Variants in MCTP1 observed in about 807,000 individuals in gnomAD.
The protein encoded by MCTP1 is multiple C2 and transmembrane domain-containing protein 1.
A neutral mutation model predicts 120.6 loss-of-function variants in MCTP1; 69 were observed. That is an observed-to-expected ratio of 0.57 (90% CI 0.47 to 0.70). The LOEUF is 0.70. MCTP1 is among the 30% of genes least tolerant of loss of function. The pLI is 0.00. For synonymous variants in MCTP1, 529 were observed against 493.1 expected (o/e 1.07, Z -0.96); for missense variants, 1,203 against 1,248.8 (o/e 0.96, Z 0.55).
intron 1 of MCTP1, among the ~76,000 whole-genome samples, chr5:95,036,911 T>TTCACTCAC (rs141556044): frequency 0.062 from 9,471 of 151,550 alleles, 402 homozygotes; most frequent in African/African-American, 0.067. Context: ...ATTTCATTCT[T>TTCACTCAC]TCACTCACTC....
chr5:95,271,522 T>G (rs914000724), intron 1 of MCTP1, among the ~76,000 whole-genome samples: 1 of 152,170 alleles, frequency 6.6e-6, no homozygotes, highest in Non-Finnish European at 1.5e-5. Flanking sequence ...CCCTATTTTT[T>G]ACCTGTAAGG....
At chr5:94,967,102 A>T (rs1825800179) in intron 2 of MCTP1, among the ~76,000 whole-genome samples, 4 of 152,190 alleles carry the variant, frequency 2.6e-5, no homozygotes, top group Non-Finnish European at 5.9e-5. Context: ...AATTTAGCAC[A>T]GAGGCCTATA....
chr5:94,806,524 G>A (rs1469679692), intron 17 of MCTP1, among the ~76,000 whole-genome samples: 1 of 152,154 alleles, frequency 6.6e-6, no homozygotes, highest in Non-Finnish European at 1.5e-5. Flanking sequence ...AGGCAGGACT[G>A]GGCCATTCAC....
intron 1 of MCTP1, among the ~76,000 whole-genome samples, chr5:95,142,325 T>C (rs1025881817): frequency 1.3e-5 from 2 of 152,202 alleles, no homozygotes; most frequent in Non-Finnish European, 2.9e-5. Context: ...TTTACTAATT[T>C]GAGCTGTCTG....
At chr5:94,842,768 AT>A (rs1791427024) in intron 17 of MCTP1, among the ~76,000 whole-genome samples, 2 of 152,344 alleles carry the variant, frequency 1.3e-5, no homozygotes, top group South Asian at 4.1e-4. Flanking sequence ...CCTGCTTTTT[AT>A]TACTGAAACA....
chr5:94,877,052 AAGG>A (rs979592097), intron 12 of MCTP1, among the ~76,000 whole-genome samples: 2 of 151,954 alleles, frequency 1.3e-5, no homozygotes, highest in Non-Finnish European at 2.9e-5. Context: ...CAACAGGAGC[AAGG>A]AGAAGGAGGC....
intron 5 of MCTP1, among the ~76,000 whole-genome samples, chr5:94,937,457 G>A (rs1025440633): frequency 6.6e-6 from 1 of 151,954 alleles, no homozygotes; most frequent in African/African-American, 2.4e-5. Flanking sequence ...AGAAGATGAA[G>A]AAAACCATAT....
chr5:94,784,726 C>T (rs1036736727), intron 18 of MCTP1: 4 of 151,742 alleles, frequency 2.6e-5, no homozygotes, highest in Admixed American at 2.0e-4. Flanking sequence ...GATAACTGAA[C>T]CACTAGATGT....
chr5:94,876,817 A>C (rs1358278221), intron 12 of MCTP1, among the ~76,000 whole-genome samples: 1 of 152,004 alleles, frequency 6.6e-6, no homozygotes, highest in Non-Finnish European at 1.5e-5. Context: ...TTCCTTGAGG[A>C]CACGGCAATT....
chr5:94,998,392 T>C (rs934402542), intron 2 of MCTP1, among the ~76,000 whole-genome samples: 1 of 152,206 alleles, frequency 6.6e-6, no homozygotes, highest in Non-Finnish European at 1.5e-5. Flanking sequence ...GACTCCTGCA[T>C]TGTTAACTAC....
At chr5:95,121,375 C>T (rs1376825836) in intron 1 of MCTP1, among the ~76,000 whole-genome samples, 1 of 141,222 alleles carries the variant, frequency 7.1e-6, no homozygotes, top group African/African-American at 2.6e-5. Flanking sequence ...ATCTGAAGAA[C>T]AAATCTTGAA....
At chr5:95,020,343 C>T (rs770943291) in intron 1 of MCTP1, among the ~76,000 whole-genome samples, 1 of 152,084 alleles carries the variant, frequency 6.6e-6, no homozygotes, top group Non-Finnish European at 1.5e-5. Flanking sequence ...AGATTTTTCA[C>T]TTCTGCAGTT....
chr5:95,017,497 A>T lies in MCTP1; in HGVS notation c.721-13T>A. 6.6e-7 allele frequency: 1 copy of T among 1,506,246 alleles called. No homozygotes were observed. Among genetic ancestry groups the T allele is most frequent in the Non-Finnish European group, 9.1e-7 (1 of 1,097,984 alleles). The allele number at this position is 1,506,246 out of a possible 1,614,324, so 93.3% of individuals were successfully genotyped here. A position where few individuals can be genotyped will look rare whatever the true frequency, so the allele number is the denominator to read the frequency against. On this transcript the variant is annotated splice_polypyrimidine_tract_variant and intron_variant, in intron 1 of 22. Transcript: ENST00000515393. ...TGTTTATTATTTTCTGGAAAACACGAAATATAAAAAATATTAAATTTATTA... is the reference window on the plus strand; with the variant it reads ...TGTTTATTATTTTCTGGAAAACACGTAATATAAAAAATATTAAATTTATTA...
intron 2 of MCTP1, among the ~76,000 whole-genome samples, chr5:94,964,000 AGGGTC>A (rs1824995232): frequency 1.3e-5 from 2 of 152,168 alleles, no homozygotes; most frequent in African/African-American, 4.8e-5. Flanking sequence ...ATATAGTATA[AGGGTC>A]AAATTTCATT....
intron 19 of MCTP1, among the ~76,000 whole-genome samples, chr5:94,720,712 T>C (rs1333917148): frequency 6.6e-6 from 1 of 152,220 alleles, no homozygotes; most frequent in Non-Finnish European, 1.5e-5. Flanking sequence ...ACTTTTGTAA[T>C]AAGAATATTT....
At chr5:94,754,068 T>C (rs1193981557) in intron 19 of MCTP1, among the ~76,000 whole-genome samples, 2 of 152,266 alleles carry the variant, frequency 1.3e-5, no homozygotes, top group Non-Finnish European at 2.9e-5. Context: ...GTATTGGCTA[T>C]GCTTTTTAAA....
intron 21 of MCTP1, 162 bp from the exon 22 acceptor site, chr5:94,708,771 G>A (rs771235569): frequency 8.4e-5 from 46 of 545,688 alleles, no homozygotes; most frequent in Non-Finnish European, 1.3e-4. Context: ...CAGCTCAACT[G>A]CTTTTTTTAC....
At chr5:94,947,907 C>A (rs973027539) in intron 3 of MCTP1, among the ~76,000 whole-genome samples, 4 of 151,606 alleles carry the variant, frequency 2.6e-5, no homozygotes, top group Non-Finnish European at 1.5e-5. Context: ...TAGGCATGAG[C>A]CACTAATAAT....
chr5:94,960,585 C>A (rs931668704), intron 2 of MCTP1, among the ~76,000 whole-genome samples: 2 of 151,900 alleles, frequency 1.3e-5, no homozygotes, highest in Non-Finnish European at 2.9e-5. Flanking sequence ...AAAAAAACAA[C>A]CCCATCAAAA....
Sources: allele counts gnomAD v4.1 joint callset (sites outside exome capture counted in the v4.1 genomes callset), GRCh38; gene constraint gnomAD v4.1.1; transcripts MANE v1.5; gene names NCBI Gene and HGNC (gene_info 2026-07-23, HGNC 2026-07-21).